ZNF23: variants seen among roughly 807,000 people sequenced by gnomAD.
ZNF23 encodes zinc finger protein 23.
A neutral mutation model predicts 56.2 loss-of-function variants in ZNF23; 48 were observed. That is an observed-to-expected ratio of 0.85 (90% CI 0.68 to 1.09). ZNF23 has a LOEUF of 1.09. ZNF23 is among the 50% of genes least tolerant of loss of function. The probability of loss-of-function intolerance (pLI) is 0.00; values close to 1 mark genes in which losing one functional copy is unlikely to be tolerated. For synonymous variants in ZNF23, 266 were observed against 283.3 expected (o/e 0.94, Z 0.61); for missense variants, 805 against 811.4 (o/e 0.99, Z 0.10).
Position 71,449,424 on chromosome 16 carries a change from A to G in ZNF23, c.730T>C (p.Cys244Arg), listed in dbSNP as rs763194923. 9.3e-6 allele frequency: 15 copies of G among 1,614,098 alleles called. No homozygotes were observed. In the East Asian group the frequency reaches 3.1e-4, roughly 34 times the overall value. The stretch of plus-strand genomic sequence containing the variant: ...TCATTAATGCTGAAAGCTTTGCCAC[A>G]CTCCGAACACTGATAAGGCTTTTCC... ...TEEKPYQCSE[C>R]GKAFSINEKL... is the part of the protein sequence containing the mutation. Residue 244 changes from cysteine to arginine, a missense_variant, in exon 5 of 5, where the codon TGT (cysteine) becomes CGT (arginine). Cys to Arg is a radical substitution (Grantham distance 180, BLOSUM62 -3). Transcript: ENST00000647773.
At chr16:71,453,805 C>T (rs1311578485) in intron 3 of ZNF23, 1 of 583,470 alleles carries the variant, frequency 1.7e-6, no homozygotes, top group Non-Finnish European at 3.0e-6. Context: ...GTTTCCAAAA[C>T]ATAGCTTTCA....
In ZNF23 at chr16:71,448,201, T is replaced by C; in HGVS notation, c.1953A>G (p.Thr651=). The C allele has an allele frequency of 1.9e-6, 3 of 1,614,268 alleles. No individual in the cohort carries two copies. Among genetic ancestry groups the C allele is most frequent in the Non-Finnish European group, 2.5e-6 (3 of 1,180,052 alleles). ...SFSSDYIIHQ[T]VHTWKKPYMC... ...TATAGGGTTTCTTCCAAGTGTGGAC[T>C]GTCTGATGTATAATGTAGTCAGAAC... Residue 651 remains threonine (T), a synonymous_variant, in exon 5 of 5, where the codon ACA becomes ACG. Transcript: ENST00000647773.
chr16:71,454,248 G>C (rs533926007), intron 2 of ZNF23, 80 bp from the exon 3 acceptor site: 105 of 1,508,704 alleles, frequency 7.0e-5, no homozygotes, highest in Non-Finnish European at 9.1e-5. Context: ...CAGTATAAGG[G>C]CTTGGGGAGG....
chr16:71,450,626 G>T, intron 4 of ZNF23: 1 of 419,296 alleles, frequency 2.4e-6, no homozygotes, highest in Non-Finnish European at 4.9e-6. Context: ...GGATGAGGCA[G>T]GAGAATTGCT....
At chr16:71,450,632 T>C in intron 4 of ZNF23, 2 of 423,958 alleles carry the variant, frequency 4.7e-6, no homozygotes, top group Non-Finnish European at 9.6e-6. Context: ...GGCAGGAGAA[T>C]TGCTCGAACC....
chr16:71,448,110 T>C lies in ZNF23; in HGVS notation c.2044A>G (p.Ser682Gly). Residue 682 changes from serine to glycine, a missense_variant, in exon 5 of 5, where the codon AGT becomes GGT. By Grantham distance (56) the Ser-to-Gly change is moderately conservative (BLOSUM62 0). Transcript: ENST00000647773. ...TCTCATTATTAGGATTTTCCTTCAC[T>C]ATGGACACTCTGATGCTGACTGAGC... Reference protein sequence around the residue: ...FQLSQHQSVHSEGKS With the variant: ...FQLSQHQSVHGEGKS 6.2e-7 allele frequency: 1 copy of C among 1,603,300 alleles called. No homozygotes were observed. Among genetic ancestry groups the C allele is most frequent in the Admixed American group, 1.7e-5 (1 of 57,770 alleles).
At chr16:71,460,330 A>T (rs1032865004) in intron 1 of ZNF23, among the ~76,000 whole-genome samples, 3 of 151,180 alleles carry the variant, frequency 2.0e-5, no homozygotes, top group Non-Finnish European at 4.4e-5. Context: ...TTTTTTTTTT[A>T]AATACGATTC....
chr16:71,459,057 C>T (rs1014410977), intron 1 of ZNF23, among the ~76,000 whole-genome samples: 4 of 152,240 alleles, frequency 2.6e-5, no homozygotes, highest in Non-Finnish European at 4.4e-5. Context: ...CCACTCCAAT[C>T]CTCTTATCCC....
At chr16:71,449,943 G>A (rs1454492263) in intron 4 of ZNF23, 58 bp from the exon 5 acceptor site, 18 of 1,392,004 alleles carry the variant, frequency 1.3e-5, no homozygotes, top group Non-Finnish European at 1.7e-5. Context: ...AAAAAGAAGA[G>A]AACTGTGCTA....
chr16:71,457,534 G>A (rs2043281913), intron 1 of ZNF23, among the ~76,000 whole-genome samples: 1 of 151,932 alleles, frequency 6.6e-6, no homozygotes, highest in Admixed American at 6.6e-5. Flanking sequence ...CTGCACTCCA[G>A]CCTGGGCAAC....
At chr16:71,460,192 C>G (rs1212694161) in intron 1 of ZNF23, among the ~76,000 whole-genome samples, 1 of 152,186 alleles carries the variant, frequency 6.6e-6, no homozygotes, top group African/African-American at 2.4e-5. Flanking sequence ...AGGGGCATCA[C>G]AGGTCTCTAA....
chr16:71,453,387 T>C, intron 3 of ZNF23, 37 bp from the exon 4 acceptor site: 1 of 1,451,640 alleles, frequency 6.9e-7, no homozygotes. Flanking sequence ...GACAGATGAA[T>C]AAACTCCCAC....
At chr16:71,450,630 A>G (rs1361561884) in intron 4 of ZNF23, 1 of 423,224 alleles carries the variant, frequency 2.4e-6, no homozygotes, top group Non-Finnish European at 4.8e-6. Context: ...GAGGCAGGAG[A>G]ATTGCTCGAA....
intron 2 of ZNF23, 180 bp downstream of exon 2, chr16:71,456,584 C>T (rs1042702675): frequency 7.7e-6 from 4 of 522,290 alleles, no homozygotes; most frequent in South Asian, 8.3e-5. Flanking sequence ...CTCACTCTCC[C>T]GCTTCCTCCA....
At chr16:71,455,651 CCGGCCA>C (rs2043204012) in intron 2 of ZNF23, among the ~76,000 whole-genome samples, 1 of 152,146 alleles carries the variant, frequency 6.6e-6, no homozygotes, top group Non-Finnish European at 1.5e-5. Context: ...GCCACCACAC[CCGGCCA>C]TGATTTTTCT....
In ZNF23 at chr16:71,448,527, C is replaced by T; in HGVS notation, c.1627G>A (p.Gly543Arg). The stretch of plus-strand genomic sequence containing the variant: ...TCCTTACATTGATAGGGCTTTTCTC[C>T]AGTATGGATTCGGTGATGATCAAGT... The part of the protein sequence containing the change: ...NLLDHHRIHT[G>R]EKPYQCKECG... Residue 543 changes from glycine (G) to arginine (R), a missense_variant, in exon 5 of 5, where the codon GGA (glycine) becomes AGA (arginine). Coordinates refer to ENST00000647773, the MANE Select transcript of ZNF23 (RefSeq NM_001381984.1). 1 of 1,614,002 alleles carries T rather than the reference C, an allele frequency of 6.2e-7. No homozygotes were observed. Among genetic ancestry groups the T allele is most frequent in the South Asian group, 1.1e-5 (1 of 91,064 alleles).
intron 1 of ZNF23, among the ~76,000 whole-genome samples, chr16:71,459,563 A>G (rs905933978): frequency 6.6e-6 from 1 of 152,158 alleles, no homozygotes; most frequent in African/African-American, 2.4e-5. Context: ...TGACTTATTC[A>G]TTTATTTTCA....
At chr16:71,452,032 G>A in intron 4 of ZNF23, 1 of 152,212 alleles carries the variant, frequency 6.6e-6, no homozygotes, top group East Asian at 1.9e-4. Flanking sequence ...CCTAGAGCCT[G>A]TTTGATTCCT....
chr16:71,447,973 G>T lies in ZNF23; in HGVS notation c.*120C>A. Reference sequence around the variant, plus strand: ...ATTTAAACTGAATAGAATAAAAACTGTTTCCATATGAAGACTCTGCCATAT... The same window carrying T: ...ATTTAAACTGAATAGAATAAAAACTTTTTCCATATGAAGACTCTGCCATAT... On this transcript the variant is annotated 3_prime_UTR_variant, in exon 5 of 5. Coordinates refer to ENST00000647773, the MANE Select transcript of ZNF23 (RefSeq NM_001381984.1). 1 of 709,532 alleles carries T rather than the reference G, an allele frequency of 1.4e-6. No homozygotes were observed. The highest frequency in any genetic ancestry group is 2.8e-5 in the South Asian group (1 of 36,108). 44.0% of individuals were successfully genotyped at this position (709,532 alleles called of 1,614,324 possible).
Sources: allele counts gnomAD v4.1 joint callset (sites outside exome capture counted in the v4.1 genomes callset), GRCh38; gene constraint gnomAD v4.1.1; transcripts MANE v1.5; gene names NCBI Gene and HGNC (gene_info 2026-07-23, HGNC 2026-07-21).